The following TLL2 variants were observed in gnomAD, a reference collection of about 807,000 sequenced individuals.
TLL2 encodes the protein tolloid-like protein 2.
In TLL2, 106 loss-of-function variants were observed where a neutral mutation model predicts 123.0. That is an observed-to-expected ratio of 0.86 (90% CI 0.74 to 1.01). TLL2 has a LOEUF of 1.01. Ranked by LOEUF, TLL2 falls within the 50% of genes least tolerant of loss-of-function variation. The pLI is 0.00. For synonymous variants in TLL2, 494 were observed against 516.8 expected (o/e 0.96, Z 0.60); for missense variants, 1,332 against 1,336.7 (o/e 1.00, Z 0.06).
At chr10:96,374,093 CTT>C (rs1253761714) in intron 18 of TLL2, 1 of 406,706 alleles carries the variant, frequency 2.5e-6, no homozygotes, top group Non-Finnish European at 4.6e-6. Flanking sequence ...AGATTAAATG[CTT>C]GACATTTTGA....
intron 2 of TLL2, among the ~76,000 whole-genome samples, chr10:96,456,448 C>CTGAGTCCACAGAGAA (rs1847016936): frequency 6.6e-6 from 1 of 152,162 alleles, no homozygotes; most frequent in South Asian, 2.1e-4. Context: ...CACATGAGGC[C>CTGAGTCCACAGAGAA]TGAGTCCACA....
At chr10:96,388,927 T>C (rs1846260804) in intron 13 of TLL2, among the ~76,000 whole-genome samples, 1 of 152,212 alleles carries the variant, frequency 6.6e-6, no homozygotes, top group Admixed American at 6.5e-5. Context: ...TTAGGGGAGA[T>C]TGCGTTTAGA....
chr10:96,461,884 A>G (rs563431731), intron 2 of TLL2, among the ~76,000 whole-genome samples: 1 of 152,166 alleles, frequency 6.6e-6, no homozygotes, highest in Non-Finnish European at 1.5e-5. Context: ...GACACTCACC[A>G]TATCAGTCCC....
chr10:96,396,924 G>C (rs935971056), intron 11 of TLL2, among the ~76,000 whole-genome samples: 1 of 152,172 alleles, frequency 6.6e-6, no homozygotes, highest in Non-Finnish European at 1.5e-5. Context: ...GGGGGAAGCC[G>C]ACTCCTCAGC....
chr10:96,449,580 T>G (rs1181076620), intron 2 of TLL2, among the ~76,000 whole-genome samples: 11 of 152,204 alleles, frequency 7.2e-5, no homozygotes, highest in Admixed American at 6.5e-4. Context: ...TAATGTGGCT[T>G]GGCCACATTT....
chr10:96,509,026 C>T (rs1847601383), intron 1 of TLL2, among the ~76,000 whole-genome samples: 1 of 152,152 alleles, frequency 6.6e-6, no homozygotes, highest in Non-Finnish European at 1.5e-5. Flanking sequence ...GATGCTTGCA[C>T]TTAGAATCCA....
At chr10:96,512,079 C>A (rs1447434437) in intron 1 of TLL2, among the ~76,000 whole-genome samples, 1 of 152,274 alleles carries the variant, frequency 6.6e-6, no homozygotes, top group East Asian at 1.9e-4. Flanking sequence ...AACTCAGAAG[C>A]CCCAAGAGAT....
chr10:96,410,270 G>T, intron 9 of TLL2, 89 bp downstream of exon 9: 1 of 939,140 alleles, frequency 1.1e-6, no homozygotes, highest in Non-Finnish European at 1.6e-6. Context: ...CCGAACAGCT[G>T]TTATTTTTAC....
intron 1 of TLL2, among the ~76,000 whole-genome samples, chr10:96,485,918 T>C (rs1847350798): frequency 6.6e-6 from 1 of 152,140 alleles, no homozygotes. Flanking sequence ...ATTATGGCAA[T>C]GGCAATGGCA....
chr10:96,421,697 C>A (rs1846625276), intron 6 of TLL2, among the ~76,000 whole-genome samples: 1 of 150,818 alleles, frequency 6.6e-6, no homozygotes. Flanking sequence ...ATTAGCTGGG[C>A]GTGGTGGTGG....
rs781478611 is a variant in TLL2, at chr10:96,432,834, G to T, written c.493C>A (p.Pro165Thr). 1 of 1,614,060 alleles carries T rather than the reference G, an allele frequency of 6.2e-7. No homozygotes were observed. Among genetic ancestry groups the T allele is most frequent in the South Asian group, 1.1e-5 (1 of 91,060 alleles). Residue 165 changes from proline to threonine, a missense_variant, in exon 4 of 21, where the codon CCC becomes ACC. Physicochemically the swap from Pro to Thr is conservative, Grantham distance 38 (BLOSUM62 -1). Transcript: ENST00000357947. ...TERIWPGGVI[P>T]YVIGGNFTGS... ...GTGAAGTTCCCTCCAATGACGTAGG[G>T]GATGACTCCTCCAGGCCATATCCTC...
intron 4 of TLL2, among the ~76,000 whole-genome samples, chr10:96,431,798 G>T (rs1321469288): frequency 1.3e-5 from 2 of 152,176 alleles, no homozygotes; most frequent in African/African-American, 4.8e-5. Flanking sequence ...GCGCTGGTGG[G>T]GGGAGGGCAG....
At chr10:96,473,991 C>T (rs905861716) in intron 2 of TLL2, among the ~76,000 whole-genome samples, 8 of 152,092 alleles carry the variant, frequency 5.3e-5, no homozygotes, top group African/African-American at 1.4e-4. Flanking sequence ...AAAGTGTATG[C>T]GCGCCTGTGT....
At chr10:96,465,346 A>G (rs1749654149) in intron 2 of TLL2, among the ~76,000 whole-genome samples, 1 of 152,182 alleles carries the variant, frequency 6.6e-6, no homozygotes, top group Admixed American at 6.5e-5. Context: ...CACCTCACTG[A>G]TTGACTGGAG....
intron 5 of TLL2, among the ~76,000 whole-genome samples, chr10:96,428,267 A>G (rs758857546): frequency 1.3e-5 from 2 of 152,256 alleles, no homozygotes; most frequent in South Asian, 4.1e-4. Context: ...GCAAAATTTT[A>G]CATACATATT....
intron 19 of TLL2, 35 bp downstream of exon 19, chr10:96,373,561 T>C: frequency 6.3e-7 from 1 of 1,592,444 alleles, no homozygotes; most frequent in Non-Finnish European, 8.6e-7. Flanking sequence ...GTCCAAGTGC[T>C]CATCAGGTGG....
chr10:96,421,387 G>A (rs1846619747), intron 6 of TLL2, among the ~76,000 whole-genome samples: 1 of 152,366 alleles, frequency 6.6e-6, no homozygotes, highest in South Asian at 2.1e-4. Flanking sequence ...CTCTGGGCCA[G>A]GTGCCATGGC....
At chr10:96,476,240 A>ATATATATATTC in intron 2 of TLL2, among the ~76,000 whole-genome samples, 4 of 20,502 alleles carry the variant, frequency 2.0e-4, no homozygotes, top group African/African-American at 7.0e-4. Flanking sequence ...ATATATATAT[A>ATATATATATTC]TTTTATTTTT....
chr10:96,462,938 T>C (rs777977802), intron 2 of TLL2, among the ~76,000 whole-genome samples: 1 of 152,214 alleles, frequency 6.6e-6, no homozygotes, highest in African/African-American at 2.4e-5. Flanking sequence ...GTTTACAGTA[T>C]GTGAGTTGAA....
Sources: gnomAD v4.1 joint callset for allele counts (sites outside exome capture counted in the v4.1 genomes callset) on GRCh38, gnomAD v4.1.1 for gene constraint, MANE v1.5 for transcripts, NCBI Gene and HGNC (gene_info 2026-07-23, HGNC 2026-07-21) for gene names.